The following CSMD1 variants were observed in gnomAD, a reference collection of about 807,000 sequenced individuals.
CSMD1 encodes the protein CUB and Sushi multiple domains 1, also known as CUB and sushi domain-containing protein 1.
Under a neutral mutation model 417.5 loss-of-function variants are expected in CSMD1, and 213 were observed. The ratio of observed to expected loss-of-function variants is 0.51; its 90% CI spans 0.46 to 0.57. The LOEUF is 0.57. CSMD1 is among the 20% of genes least tolerant of loss of function. CSMD1 has a pLI of 0.00. For synonymous variants in CSMD1, 2,862 were observed against 1,736.8 expected, an observed-to-expected ratio of 1.65 and a Z score of -16.11; for missense variants, 6,923 against 4,529.7, an observed-to-expected ratio of 1.53 and a Z score of -15.17.
rs1295000188 is a variant in CSMD1, at chr8:3,917,868, C to A, written c.818+80035G>T. On this transcript the variant is annotated intron_variant, in intron 5 of 69. Transcript: ENST00000635120. ...GATCTACATGCTTAGAAATTTTAGG[C>A]CTTTAAAATTTTACTTAAATTTTAA... Among the ~76,000 whole-genome samples, 3 of 151,808 alleles carry A rather than the reference C, an allele frequency of 2.0e-5. No homozygotes were observed. The South Asian group carries it at 6.3e-4, about 32-fold the overall frequency.
intron 3 of CSMD1, among the ~76,000 whole-genome samples, chr8:4,190,403 A>G (rs1035968615): frequency 1.3e-5 from 2 of 152,154 alleles, no homozygotes; most frequent in African/African-American, 4.8e-5. Flanking sequence ...CAGAATGGTT[A>G]TGACATTTAA....
chr8:3,990,408 C>A (rs2627376), intron 5 of CSMD1, among the ~76,000 whole-genome samples: 83,490 of 151,848 alleles, frequency 0.55, 22,982 homozygotes, highest in East Asian at 0.62. Flanking sequence ...GAGACGGGGA[C>A]TTCTCTCCCG....
intron 2 of CSMD1, among the ~76,000 whole-genome samples, chr8:4,469,309 T>C (rs1447860813): frequency 6.6e-6 from 1 of 152,206 alleles, no homozygotes; most frequent in East Asian, 1.9e-4. Flanking sequence ...TTTCTCATTC[T>C]AACAATTATT....
chr8:4,982,464 T>G (rs912970385), intron 1 of CSMD1, among the ~76,000 whole-genome samples: 1 of 152,192 alleles, frequency 6.6e-6, no homozygotes, highest in Non-Finnish European at 1.5e-5. Context: ...CTCCCTCATT[T>G]GGAGACAAAG....
At chr8:4,679,503 T>A (rs954490279) in intron 1 of CSMD1, among the ~76,000 whole-genome samples, 1 of 152,156 alleles carries the variant, frequency 6.6e-6, no homozygotes, top group Admixed American at 6.5e-5. Context: ...ATTTCATGAG[T>A]CTAGACTTCG....
intron 3 of CSMD1, among the ~76,000 whole-genome samples, chr8:4,300,308 G>A (rs1039385660): frequency 3.9e-5 from 6 of 152,100 alleles, no homozygotes; most frequent in African/African-American, 1.4e-4. Context: ...GAAATATGAG[G>A]GGACCTCAAA....
chr8:3,441,336 T>C (rs554240550), intron 12 of CSMD1, among the ~76,000 whole-genome samples: 1 of 152,090 alleles, frequency 6.6e-6, no homozygotes, highest in Non-Finnish European at 1.5e-5. Context: ...AATAGGGGTG[T>C]TGAATTTGTC....
At chr8:4,642,037 G>A (rs977186904) in intron 1 of CSMD1, among the ~76,000 whole-genome samples, 1 of 152,192 alleles carries the variant, frequency 6.6e-6, no homozygotes, top group Non-Finnish European at 1.5e-5. Context: ...CAGTCCTGCA[G>A]GAACCAGTAA....
chr8:3,764,562 T>C (rs1343931880), intron 5 of CSMD1, among the ~76,000 whole-genome samples: 1 of 151,648 alleles, frequency 6.6e-6, no homozygotes, highest in Non-Finnish European at 1.5e-5. Context: ...TTGCTGTGAG[T>C]GTCTGCAAGA....
intron 3 of CSMD1, among the ~76,000 whole-genome samples, chr8:4,166,990 C>G (rs1190517249): frequency 6.6e-6 from 1 of 152,142 alleles, no homozygotes; most frequent in African/African-American, 2.4e-5. Flanking sequence ...TCTGCCTGCC[C>G]CTGTGCTGGG....
intron 2 of CSMD1, among the ~76,000 whole-genome samples, chr8:4,557,125 G>T (rs988297494): frequency 2.0e-5 from 3 of 152,172 alleles, no homozygotes; most frequent in Admixed American, 1.3e-4. Flanking sequence ...TATCCTGGGT[G>T]ATTTGTAAAG....
intron 3 of CSMD1, among the ~76,000 whole-genome samples, chr8:4,254,752 C>T (rs1348748991): frequency 6.6e-6 from 1 of 152,064 alleles, no homozygotes; most frequent in Non-Finnish European, 1.5e-5. Context: ...CAAAGTCTTA[C>T]CATTGTGTTA....
chr8:3,503,668 C>G (rs1459372971), intron 10 of CSMD1, among the ~76,000 whole-genome samples: 1 of 152,184 alleles, frequency 6.6e-6, no homozygotes, highest in South Asian at 2.1e-4. Flanking sequence ...GAGAATTAGT[C>G]TCAGCTCAAG....
intron 12 of CSMD1, among the ~76,000 whole-genome samples, chr8:3,419,267 T>C (rs1813340751): frequency 6.6e-6 from 1 of 152,174 alleles, no homozygotes. Flanking sequence ...AACCAGATGC[T>C]CCTGGTTGAT....
chr8:4,702,495 T>A (rs7002255), intron 1 of CSMD1, among the ~76,000 whole-genome samples: 2 of 152,146 alleles, frequency 1.3e-5, no homozygotes, highest in Non-Finnish European at 2.9e-5. Flanking sequence ...CTGCTGTTTT[T>A]AATAACAGGG....
chr8:2,951,623 T>C (rs1212017662), intron 65 of CSMD1, among the ~76,000 whole-genome samples: 1 of 152,182 alleles, frequency 6.6e-6, no homozygotes, highest in Admixed American at 6.5e-5. Context: ...GCAAGAAATA[T>C]GTTTACCTGA....
At chr8:4,805,159 T>C (rs977410382) in intron 1 of CSMD1, among the ~76,000 whole-genome samples, 11 of 152,202 alleles carry the variant, frequency 7.2e-5, no homozygotes, top group African/African-American at 2.7e-4. Flanking sequence ...TTTTTCCCCC[T>C]GGATGTCAGT....
At chr8:4,937,815 G>A (rs930860967) in intron 1 of CSMD1, among the ~76,000 whole-genome samples, 1 of 152,008 alleles carries the variant, frequency 6.6e-6, no homozygotes, top group South Asian at 2.1e-4. Context: ...CAACTACAAA[G>A]TGTCAGAATT....
At chr8:3,213,527 C>T (rs1425237347) in intron 30 of CSMD1, among the ~76,000 whole-genome samples, 1 of 152,006 alleles carries the variant, frequency 6.6e-6, no homozygotes, top group Non-Finnish European at 1.5e-5. Context: ...TTTTGTCTGT[C>T]CTTGAAAGCT....
Sources: gnomAD v4.1 joint callset for allele counts (sites outside exome capture counted in the v4.1 genomes callset) on GRCh38, gnomAD v4.1.1 for gene constraint, MANE v1.5 for transcripts, NCBI Gene and HGNC (gene_info 2026-07-23, HGNC 2026-07-21) for gene names.